TENM1: variants seen among roughly 807,000 people sequenced by gnomAD.
The protein encoded by TENM1 is teneurin-1.
Under a neutral mutation model 174.8 loss-of-function variants are expected in TENM1, and 35 were observed. The ratio of observed to expected loss-of-function variants is 0.20; its 90% confidence interval spans 0.15 to 0.27. The LOEUF (loss-of-function observed/expected upper bound fraction) is 0.27, where lower values mean the gene tolerates loss of function less well. Ranked by LOEUF, TENM1 falls within the 10% of genes least tolerant of loss-of-function variation. The pLI is 1.00. For missense variants in TENM1, 1,633 were observed against 2,130.1 expected (o/e 0.77, Z 4.59); for synonymous variants, 781 against 798.7 (o/e 0.98, Z 0.37).
intron 1 of TENM1, among the ~76,000 whole-genome samples, chrX:124,896,470 C>T (rs766051292): frequency 1.8e-5 from 2 of 111,031 alleles, no homozygotes; most frequent in Non-Finnish European, 3.8e-5. Flanking sequence ...GGAAAAAGCG[C>T]GCCCAAAATA....
intron 27 of TENM1, 50 bp downstream of exon 30, chrX:124,404,981 A>C (rs1449836393): frequency 9.8e-7 from 1 of 1,022,212 alleles, no homozygotes; most frequent in Admixed American, 2.3e-5. Context: ...ACAAACAAAC[A>C]AACAAAACAC....
At chrX:125,129,389 G>A in the TENM1 span, among the ~76,000 whole-genome samples, 4 of 111,666 alleles carry the variant, frequency 3.6e-5, no homozygotes, top group Non-Finnish European at 5.7e-5. Context: ...ATACAGGCAT[G>A]CAATGCATAA....
chrX:124,420,901 A>C, intron 24 of TENM1, 80 bp from the exon 28 acceptor site: 1 of 922,596 alleles, frequency 1.1e-6, no homozygotes, highest in Non-Finnish European at 1.5e-6. Flanking sequence ...AGCTCTGTGC[A>C]TCAAGAATCA....
At chrX:125,120,766 AAAATAT>A in the TENM1 span, among the ~76,000 whole-genome samples, 1 of 111,567 alleles carries the variant, frequency 9.0e-6, no homozygotes, top group Non-Finnish European at 1.9e-5. Context: ...GTGGCCTTAT[AAAATAT>A]ATCACCAGTT....
At chrX:124,756,892 G>C (rs1244626259) in intron 3 of TENM1, among the ~76,000 whole-genome samples, 16 of 110,694 alleles carry the variant, frequency 1.4e-4, no homozygotes, top group South Asian at 3.9e-4. Flanking sequence ...AGGTGTCAGT[G>C]TGCCCCTACT....
At chrX:124,704,409 C>T (rs146527449) in intron 5 of TENM1, among the ~76,000 whole-genome samples, 63 of 112,036 alleles carry the variant, frequency 5.6e-4, no homozygotes, top group African/African-American at 2.0e-3. Context: ...TGACTTTAAT[C>T]AGGGTGACTC....
intron 19 of TENM1, among the ~76,000 whole-genome samples, chrX:124,502,923 C>T (rs586): frequency 0.38 from 41,786 of 110,372 alleles, 8,091 homozygotes; most frequent in African/African-American, 0.77. Context: ...AAAATGGATC[C>T]CTTAGTTTGG....
At chrX:124,460,291 C>G (rs2061155333) in intron 22 of TENM1, among the ~76,000 whole-genome samples, 1 of 111,543 alleles carries the variant, frequency 9.0e-6, no homozygotes, top group Non-Finnish European at 1.9e-5. Flanking sequence ...ATGTTCATTG[C>G]AGCACTGTTC....
chrX:124,806,100 AG>A (rs2055589875), intron 3 of TENM1, among the ~76,000 whole-genome samples: 2 of 112,193 alleles, frequency 1.8e-5, no homozygotes, highest in Admixed American at 1.9e-4. Context: ...TAAAGTAACC[AG>A]AATAAGAAAT....
intron 3 of TENM1, among the ~76,000 whole-genome samples, chrX:124,891,592 G>C (rs769682836): frequency 1.8e-5 from 2 of 108,848 alleles, no homozygotes; most frequent in Admixed American, 2.0e-4. Flanking sequence ...CCAGGAGGCA[G>C]AGGTTGCAGT....
the TENM1 span, among the ~76,000 whole-genome samples, chrX:125,128,976 G>T: frequency 1.8e-4 from 20 of 111,103 alleles, no homozygotes; most frequent in African/African-American, 6.2e-4. Context: ...AGTAATTAAG[G>T]TTAAAAAGGT....
chrX:124,686,728 T>C (rs1352577788), intron 5 of TENM1, among the ~76,000 whole-genome samples: 2 of 112,236 alleles, frequency 1.8e-5, no homozygotes, highest in African/African-American at 6.5e-5. Flanking sequence ...CATCCCTTCA[T>C]GTTAAAAACT....
chrX:125,053,196 T>C, the TENM1 span, among the ~76,000 whole-genome samples: 1 of 112,044 alleles, frequency 8.9e-6, no homozygotes, highest in Admixed American at 9.5e-5. Flanking sequence ...AGTTAACAGA[T>C]GACTCCAAAA....
chrX:124,399,817 C>A (rs970647758), intron 27 of TENM1, among the ~76,000 whole-genome samples: 1 of 111,047 alleles, frequency 9.0e-6, no homozygotes, highest in Non-Finnish European at 1.9e-5. Context: ...GAAACAAAAA[C>A]AAAAATTAGC....
intron 3 of TENM1, among the ~76,000 whole-genome samples, chrX:124,850,846 A>G (rs767858239): frequency 9.0e-6 from 1 of 111,450 alleles, no homozygotes; most frequent in Non-Finnish European, 1.9e-5. Context: ...ACTCTTCTAG[A>G]ATATGCATTT....
chrX:125,097,954 C>T, the TENM1 span, among the ~76,000 whole-genome samples: 4 of 110,390 alleles, frequency 3.6e-5, no homozygotes, highest in Non-Finnish European at 5.7e-5. Flanking sequence ...ACTTGACTAA[C>T]GTCAAATTTT....
At chrX:124,384,841 T>C (rs201695347) in exon 30 of TENM1, 170 of 1,202,168 alleles carry the variant, frequency 1.4e-4, no homozygotes, top group South Asian at 9.0e-4. Context: ...AAATCTGGCG[T>C]CCAATAAGAG....
chrX:124,492,117 T>C (rs1363762231), intron 20 of TENM1, among the ~76,000 whole-genome samples: 3 of 111,815 alleles, frequency 2.7e-5, no homozygotes, highest in Non-Finnish European at 5.7e-5. Context: ...TCTATAAGGC[T>C]CTCTATCCCA....
chrX:124,407,173 G>A (rs756343227), intron 25 of TENM1, among the ~76,000 whole-genome samples: 29 of 105,667 alleles, frequency 2.7e-4, no homozygotes, highest in African/African-American at 9.0e-4. Context: ...GGGATAATAG[G>A]CTATAAGCTA....
Sources: gnomAD v4.1 joint callset for allele counts (sites outside exome capture counted in the v4.1 genomes callset) on GRCh38, gnomAD v4.1.1 for gene constraint, MANE v1.5 for transcripts, NCBI Gene and HGNC (gene_info 2026-07-23, HGNC 2026-07-21) for gene names.